RASGRF2: variants seen among roughly 807,000 people sequenced by gnomAD.
The protein encoded by RASGRF2 is Ras protein specific guanine nucleotide releasing factor 2, also known as ras-specific guanine nucleotide-releasing factor 2.
RASGRF2 carries 76 observed loss-of-function variants against 151.0 expected under a neutral mutation model. The observed-to-expected ratio is 0.50, with a 90% CI of 0.42 to 0.61. RASGRF2 has a LOEUF of 0.61. Among genes scored for constraint, RASGRF2 ranks in the 20% least tolerant of loss-of-function variants. RASGRF2 has a pLI of 0.00. For synonymous variants in RASGRF2, 504 were observed against 566.5 expected (o/e 0.89, Z 1.57); for missense variants, 1,148 against 1,564.6 (o/e 0.73, Z 4.49).
chr5:81,064,062 C>G (rs896003073), intron 2 of RASGRF2, among the ~76,000 whole-genome samples: 3 of 152,192 alleles, frequency 2.0e-5, no homozygotes, highest in Non-Finnish European at 2.9e-5. Context: ...CATAGCTTAG[C>G]TGGGTGCCTC....
At chr5:81,025,476 G>A (rs1053279647) in intron 1 of RASGRF2, among the ~76,000 whole-genome samples, 1 of 152,152 alleles carries the variant, frequency 6.6e-6, no homozygotes, top group African/African-American at 2.4e-5. Context: ...TGGAAGTGGG[G>A]GACCTAGTGC....
intron 18 of RASGRF2, among the ~76,000 whole-genome samples, chr5:81,184,507 C>T (rs1754983079): frequency 6.6e-6 from 1 of 152,178 alleles, no homozygotes; most frequent in Non-Finnish European, 1.5e-5. Flanking sequence ...ATGCTCTGTC[C>T]ATTTATTCGA....
intron 17 of RASGRF2, among the ~76,000 whole-genome samples, chr5:81,161,675 C>A (rs1316464935): frequency 1.3e-5 from 2 of 152,178 alleles, no homozygotes; most frequent in Admixed American, 1.3e-4. Flanking sequence ...TGCAGAGGAT[C>A]TCTTAGACAA....
intron 23 of RASGRF2, among the ~76,000 whole-genome samples, chr5:81,212,906 ACT>A (rs1215091009): frequency 1.4e-4 from 21 of 151,990 alleles, no homozygotes; most frequent in African/African-American, 4.1e-4. Flanking sequence ...GAGGGTGCAA[ACT>A]CTGTGGGGCC....
At chr5:81,174,882 A>G (rs1754739491) in intron 17 of RASGRF2, among the ~76,000 whole-genome samples, 1 of 152,190 alleles carries the variant, frequency 6.6e-6, no homozygotes, top group Admixed American at 6.5e-5. Flanking sequence ...CACACTTCAA[A>G]ATTTAGAAGA....
intron 1 of RASGRF2, among the ~76,000 whole-genome samples, chr5:81,031,108 A>AAT (rs984204070): frequency 1.2e-4 from 18 of 152,374 alleles, no homozygotes; most frequent in African/African-American, 4.3e-4. Context: ...AACTATCCTA[A>AAT]ATATATATGC....
intron 1 of RASGRF2, among the ~76,000 whole-genome samples, chr5:81,017,186 C>T (rs1749666540): frequency 6.6e-6 from 1 of 152,196 alleles, no homozygotes. Context: ...TTTCCAGGTG[C>T]ACTCTGGCAG....
chr5:81,131,658 A>G (rs1256804628), intron 17 of RASGRF2, among the ~76,000 whole-genome samples: 1 of 150,938 alleles, frequency 6.6e-6, no homozygotes, highest in African/African-American at 2.4e-5. Flanking sequence ...CCTGGCCTCA[A>G]TCTCTTTTTC....
chr5:81,177,437 G>A (rs1054942578), intron 17 of RASGRF2, among the ~76,000 whole-genome samples: 7 of 150,994 alleles, frequency 4.6e-5, no homozygotes, highest in South Asian at 2.1e-4. Context: ...TAACTCACTC[G>A]TTAGCTCCGA....
chr5:81,057,004 T>C (rs2112427500), intron 2 of RASGRF2, among the ~76,000 whole-genome samples: 1 of 152,272 alleles, frequency 6.6e-6, no homozygotes, highest in East Asian at 1.9e-4. Context: ...CATCCCTTTA[T>C]TTTGAGCCTA....
intron 1 of RASGRF2, among the ~76,000 whole-genome samples, chr5:80,961,829 C>T (rs1430411620): frequency 6.6e-6 from 1 of 152,030 alleles, no homozygotes; most frequent in East Asian, 1.9e-4. Context: ...CTTAGTGATC[C>T]CAGCCCCTCA....
At chr5:81,070,698 G>A (rs1580278977) in intron 4 of RASGRF2, 117 bp downstream of exon 4, 2 of 806,800 alleles carry the variant, frequency 2.5e-6, no homozygotes, top group East Asian at 2.7e-5. Flanking sequence ...TCTGGGCTAT[G>A]GCTCCCAGAC....
intron 1 of RASGRF2, among the ~76,000 whole-genome samples, chr5:80,999,291 A>G (rs1749001625): frequency 6.6e-6 from 1 of 152,196 alleles, no homozygotes; most frequent in South Asian, 2.1e-4. Context: ...ATCAGGCACT[A>G]CATCTCACCC....
Position 81,080,497 on chromosome 5 carries a change from T to TG in RASGRF2, c.968-98dup, listed in dbSNP as rs1752055881. Reference sequence around the variant, plus strand: ...TCAGGGTTGCGGCTCCATGCATGTGTGACACCTGGTGCTGGGACCCACTCT... The same window carrying TG: ...TCAGGGTTGCGGCTCCATGCATGTGTGGACACCTGGTGCTGGGACCCACTCT... On this transcript the variant is annotated intron_variant, in intron 6 of 26. Coordinates refer to ENST00000265080, the MANE Select transcript of RASGRF2 (RefSeq NM_006909.3). 34 of 1,268,122 alleles carry TG rather than the reference T, an allele frequency of 2.7e-5. No homozygotes were observed. The South Asian group carries it at 4.7e-4, about 17-fold the overall frequency. 78.6% of individuals were successfully genotyped at this position (1,268,122 alleles called of 1,614,324 possible).
chr5:81,122,203 A>G (rs1467552886), intron 15 of RASGRF2, among the ~76,000 whole-genome samples: 1 of 152,028 alleles, frequency 6.6e-6, no homozygotes, highest in African/African-American at 2.4e-5. Flanking sequence ...TCATTGGGAA[A>G]TTTCCTGGGT....
intron 18 of RASGRF2, among the ~76,000 whole-genome samples, chr5:81,185,526 AG>A (rs1031688985): frequency 5.9e-5 from 9 of 152,168 alleles, no homozygotes; most frequent in African/African-American, 1.9e-4. Context: ...AGACATTGCC[AG>A]GGTCAGGGGA....
intron 25 of RASGRF2, among the ~76,000 whole-genome samples, chr5:81,219,269 G>A (rs1755808416): frequency 6.6e-6 from 1 of 151,992 alleles, no homozygotes; most frequent in Admixed American, 6.6e-5. Flanking sequence ...AGTAGAGACA[G>A]GGTTTCGCTG....
At chr5:80,961,219 C>A (rs1376919629) in intron 1 of RASGRF2, among the ~76,000 whole-genome samples, 193 bp downstream of exon 1, 2 of 152,220 alleles carry the variant, frequency 1.3e-5, no homozygotes, top group Admixed American at 6.5e-5. Flanking sequence ...CATCTCCATA[C>A]CCCTCCACCC....
chr5:81,160,319 A>T (rs1437265731), intron 17 of RASGRF2, among the ~76,000 whole-genome samples: 1 of 152,024 alleles, frequency 6.6e-6, no homozygotes, highest in African/African-American at 2.4e-5. Context: ...TACTTCAGAG[A>T]GTGAGACAGG....
Sources: gnomAD v4.1 joint callset for allele counts (sites outside exome capture counted in the v4.1 genomes callset) on GRCh38, gnomAD v4.1.1 for gene constraint, MANE v1.5 for transcripts, NCBI Gene and HGNC (gene_info 2026-07-23, HGNC 2026-07-21) for gene names.